Variants in CYLC1 observed in about 807,000 individuals in gnomAD.
CYLC1 encodes the protein cylicin 1, also known as cylicin-1.
In CYLC1, 2 loss-of-function variants were observed where a neutral mutation model predicts 31.6. That is an observed-to-expected ratio of 0.06 (90% CI 0.03 to 0.20). The LOEUF (loss-of-function observed/expected upper bound fraction) is 0.20. Ranked by LOEUF, CYLC1 falls within the 10% of genes least tolerant of loss-of-function variation. The pLI, the probability that CYLC1 is intolerant of heterozygous loss-of-function variation, is 1.00. For missense variants in CYLC1, 595 were observed against 424.1 expected (o/e 1.40, Z -3.54); for synonymous variants, 185 against 153.0 (o/e 1.21, Z -1.54).
intron 1 of CYLC1, 82 bp downstream of exon 1, chrX:83,861,281 T>C: frequency 1.5e-6 from 1 of 682,207 alleles, no homozygotes; most frequent in Non-Finnish European, 2.2e-6. Flanking sequence ...TGTTTAACTG[T>C]AAAGAATGTT....
chrX:83,876,910 T>A (rs1031643393), intron 4 of CYLC1, among the ~76,000 whole-genome samples: 1 of 111,270 alleles, frequency 9.0e-6, no homozygotes, highest in African/African-American at 3.3e-5. Flanking sequence ...GCTTTAAATA[T>A]TATCTATGTA....
At chrX:83,877,539 T>C (rs1210827183) in intron 4 of CYLC1, among the ~76,000 whole-genome samples, 5 of 110,530 alleles carry the variant, frequency 4.5e-5, no homozygotes, top group Non-Finnish European at 7.6e-5. Flanking sequence ...TTCTTTTTGT[T>C]TCTCATAAAC....
chrX:83,874,076 G>C lies in CYLC1; in HGVS notation c.1368G>C (p.Lys456Asn). The change falls in exon 4 of 5, where the codon AAG (lysine) becomes AAC (asparagine). Residue 456 changes from lysine (K) to asparagine (N), a missense_variant. By Grantham distance (94) the Lys-to-Asn change is moderately conservative (BLOSUM62 0). Transcript: ENST00000329312. The stretch of plus-strand genomic sequence containing the variant: ...CTGAACCGAAGGGAGATTCAAAAAA[G>C]GGTAAAAAGGATGAAAAGAAGGGGA... ...ADSEPKGDSKKGKKDEKKGKK... is the reference protein window; with the variant it reads ...ADSEPKGDSKNGKKDEKKGKK... 1.0e-5 allele frequency: 12 copies of C among 1,203,221 alleles called. No homozygotes were observed. The highest frequency in any genetic ancestry group is 1.3e-5 in the Non-Finnish European group (12 of 890,920).
At chrX:83,874,774 A>G (rs1343355529) in intron 4 of CYLC1, 143 bp downstream of exon 4, 3 of 634,546 alleles carry the variant, frequency 4.7e-6, no homozygotes, top group Non-Finnish European at 6.8e-6. Flanking sequence ...TAAGAAAAAT[A>G]AAGAATACCT....
chrX:83,869,830 A>G (rs1366985734), intron 1 of CYLC1, 35 bp from the exon 2 acceptor site: 4 of 707,365 alleles, frequency 5.7e-6, no homozygotes, highest in Middle Eastern at 4.3e-4. Flanking sequence ...TGCCCATAAT[A>G]CAAATTTAAT....
intron 1 of CYLC1, among the ~76,000 whole-genome samples, chrX:83,867,672 C>T (rs1186010212): frequency 9.0e-6 from 1 of 110,932 alleles, no homozygotes; most frequent in Admixed American, 9.7e-5. Flanking sequence ...CCAGTCTCTG[C>T]TTTCATAATC....
chrX:83,877,491 C>T (rs770848451), intron 4 of CYLC1, among the ~76,000 whole-genome samples: 10 of 110,411 alleles, frequency 9.1e-5, no homozygotes, highest in South Asian at 3.8e-4. Context: ...TCATGTAGCA[C>T]TTCTTCTCTT....
intron 4 of CYLC1, 133 bp downstream of exon 4, chrX:83,874,764 T>C: frequency 1.4e-6 from 1 of 706,222 alleles, no homozygotes; most frequent in Non-Finnish European, 2.0e-6. Context: ...GACTCGAAGG[T>C]AAGAAAAATA....
intron 4 of CYLC1, among the ~76,000 whole-genome samples, chrX:83,885,587 A>T (rs1462454521): frequency 9.1e-6 from 1 of 109,548 alleles, no homozygotes; most frequent in Non-Finnish European, 1.9e-5. Context: ...ACAGCAGTAC[A>T]TTTATTCACT....
At chrX:83,871,019 C>A (rs1326814967) in intron 2 of CYLC1, among the ~76,000 whole-genome samples, 1 of 110,019 alleles carries the variant, frequency 9.1e-6, no homozygotes. Flanking sequence ...GTTGTCAACA[C>A]CGTGCTAGTT....
At chrX:83,881,808 T>C (rs1315383168) in intron 4 of CYLC1, among the ~76,000 whole-genome samples, 1 of 106,676 alleles carries the variant, frequency 9.4e-6, no homozygotes, top group Non-Finnish European at 1.9e-5. Flanking sequence ...GCGATTCTCC[T>C]GCCTCAGCCT....
At chrX:83,872,242 C>T (rs1325921501) in intron 3 of CYLC1, among the ~76,000 whole-genome samples, 2 of 111,087 alleles carry the variant, frequency 1.8e-5, no homozygotes, top group African/African-American at 6.5e-5. Context: ...TTATTTATGA[C>T]TACAAGATTT....
intron 4 of CYLC1, among the ~76,000 whole-genome samples, chrX:83,881,765 C>A (rs190030410): frequency 0.016 from 1,662 of 102,405 alleles, 13 homozygotes; most frequent in Non-Finnish European, 0.022. Context: ...CGCGCGATCT[C>A]GGCTCACTGC....
At position 83,886,570 on chromosome X, in the gene CYLC1, C is replaced by T; in HGVS notation, c.1942C>T (p.His648Tyr). ...YAPLPEAPWI[H>Y]KLL ...TCCTCAGCCTGAAGCACCGTGGATTCATAAGCTGCTTTAAAGAACAACTGA... is the reference window on the plus strand; with the variant it reads ...TCCTCAGCCTGAAGCACCGTGGATTTATAAGCTGCTTTAAAGAACAACTGA... Residue 648 changes from histidine (H) to tyrosine (Y), a missense_variant, in exon 5 of 5, where the codon CAT (histidine) becomes TAT (tyrosine). Coordinates refer to ENST00000329312, the MANE Select transcript of CYLC1 (RefSeq NM_021118.3). The T allele has an allele frequency of 4.1e-6, 5 of 1,208,343 alleles. No individual in the cohort carries two copies. The highest frequency in any genetic ancestry group is 5.6e-6 in the Non-Finnish European group (5 of 893,010).
intron 3 of CYLC1, among the ~76,000 whole-genome samples, chrX:83,872,088 G>A (rs1281125296): frequency 9.0e-6 from 1 of 110,873 alleles, no homozygotes; most frequent in Non-Finnish European, 1.9e-5. Flanking sequence ...ATTTATTCAA[G>A]GGTCATTTAT....
At position 83,872,955 on chromosome X, in the gene CYLC1, A is replaced by C; in HGVS notation, c.247A>C (p.Lys83Gln). The C allele has an allele frequency of 2.5e-6, 3 of 1,200,968 alleles. No homozygotes were observed. Among genetic ancestry groups the C allele is most frequent in the Non-Finnish European group, 3.4e-6 (3 of 891,852 alleles). Residue 83 changes from lysine to glutamine, a missense_variant, in exon 4 of 5, where the codon AAA becomes CAA. Coordinates refer to ENST00000329312, the MANE Select transcript of CYLC1 (RefSeq NM_021118.3). ...TAAATGGATAAGGCATTCTTTCAGA[A>C]AAATTTTGCAATGGCCACCCATTTA... ...AHKWIRHSFR[K>Q]ILQWPPIYTA...
intron 1 of CYLC1, among the ~76,000 whole-genome samples, chrX:83,863,127 T>G (rs2031539894): frequency 8.9e-6 from 1 of 111,851 alleles, no homozygotes; most frequent in Non-Finnish European, 1.9e-5. Flanking sequence ...TTGTCTTAAT[T>G]CCTAGTAATT....
rs977736827 is a variant in CYLC1 at position 83,884,512 on chromosome X, G to A, written c.1924-2040G>A. Among the ~76,000 whole-genome samples, 3 of 111,053 alleles carry A rather than the reference G, an allele frequency of 2.7e-5. No homozygotes were observed. The East Asian group carries it at 8.5e-4, about 31-fold the overall frequency. Reference sequence around the variant, plus strand: ...TCATAAATCCTTGCCTAAGCCCAATGTCTAGAAGGGTATTTCCAATGTTGT... The same window carrying A: ...TCATAAATCCTTGCCTAAGCCCAATATCTAGAAGGGTATTTCCAATGTTGT... On this transcript the variant is annotated intron_variant, in intron 4 of 4. Transcript: ENST00000329312.
intron 1 of CYLC1, among the ~76,000 whole-genome samples, chrX:83,867,460 T>A (rs2031607024): frequency 8.9e-6 from 1 of 111,846 alleles, no homozygotes. Flanking sequence ...GTCACAAACA[T>A]AGTAGCCTAA....
Sources: allele counts gnomAD v4.1 joint callset (sites outside exome capture counted in the v4.1 genomes callset), GRCh38; gene constraint gnomAD v4.1.1; transcripts MANE v1.5; gene names NCBI Gene and HGNC (gene_info 2026-07-23, HGNC 2026-07-21).